ARHGAP39: variants seen among roughly 807,000 people sequenced by gnomAD.
ARHGAP39 encodes Rho GTPase activating protein 39.
In ARHGAP39, 44 loss-of-function variants were observed where a neutral mutation model predicts 106.9. That is an observed-to-expected ratio of 0.41 (90% confidence interval 0.32 to 0.53). The LOEUF (loss-of-function observed/expected upper bound fraction) is 0.53, where lower values mean the gene tolerates loss of function less well. Among genes scored for constraint, ARHGAP39 ranks in the 20% least tolerant of loss-of-function variants. The probability of loss-of-function intolerance (pLI) is 0.21; values close to 1 mark genes in which losing one functional copy is unlikely to be tolerated. For synonymous variants in ARHGAP39, 768 were observed against 693.2 expected (o/e 1.11, Z -1.69); for missense variants, 1,496 against 1,577.3 (o/e 0.95, Z 0.87).
rs1329207972 is a variant in ARHGAP39, at chr8:144,547,430, G to A, written c.1656C>T (p.Pro552=). ...EAEGARGAAE[P]FLAQARLAWE... ...AGGCCAGCCGAGCCTGCGCCAGGAA[G>A]GGCTCGGCCGCGCCCCGCGCCCCTT... Residue 552 remains proline (P), a synonymous_variant, in exon 5 of 12, where the codon CCC becomes CCT. Coordinates refer to ENST00000377307, the MANE Select transcript of ARHGAP39 (RefSeq NM_025251.3). This position sits in a 1 kb window ranked among gnomAD's most constrained non-coding sequence, Gnocchi z 5.2. 1.9e-6 allele frequency: 3 copies of A among 1,585,582 alleles called. No homozygotes were observed. Among genetic ancestry groups the A allele is most frequent in the Non-Finnish European group, 2.6e-6 (3 of 1,172,824 alleles).
intron 3 of ARHGAP39, among the ~76,000 whole-genome samples, chr8:144,579,113 A>T (rs1313833557): frequency 1.4e-5 from 2 of 139,468 alleles, no homozygotes; most frequent in African/African-American, 5.4e-5. Context: ...GAGGCAGGAG[A>T]GTGGTGTGAA....
chr8:144,675,499 G>GGTTAGT, intron 1 of ARHGAP39, among the ~76,000 whole-genome samples: 1 of 152,216 alleles, frequency 6.6e-6, no homozygotes, highest in East Asian at 1.9e-4. Flanking sequence ...AGACCTTCGT[G>GGTTAGT]GTTAGTGTTA....
At chr8:144,531,021 G>C in intron 10 of ARHGAP39, 150 bp from the exon 11 acceptor site, 1 of 1,084,600 alleles carries the variant, frequency 9.2e-7, no homozygotes, top group Non-Finnish European at 1.3e-6. Flanking sequence ...GGCCAGGCTG[G>C]GCCCTGACCC....
intron 4 of ARHGAP39, among the ~76,000 whole-genome samples, chr8:144,549,191 T>C (rs1157309571): frequency 2.0e-5 from 3 of 152,256 alleles, no homozygotes; most frequent in Non-Finnish European, 2.9e-5. Context: ...GGGGCAGATA[T>C]GCAGACGCAA....
Position 144,547,816 on chromosome 8 carries a change from C to T in ARHGAP39, c.1270G>A (p.Gly424Ser). The T allele has an allele frequency of 1.9e-6, 3 of 1,591,728 alleles. No individual in the cohort carries two copies. Among genetic ancestry groups the T allele is most frequent in the Non-Finnish European group, 2.6e-6 (3 of 1,171,872 alleles). ...PRHKYAPNPGGGSYSLQPSPC... is the reference protein window; with the variant it reads ...PRHKYAPNPGSGSYSLQPSPC... Reference sequence around the variant, plus strand: ...CTGGGCTGCAAGGAGTACGAACCACCGCCGGGGTTGGGCGCGTACTTGTGC... The same window carrying T: ...CTGGGCTGCAAGGAGTACGAACCACTGCCGGGGTTGGGCGCGTACTTGTGC... The change falls in exon 5 of 12, where the codon GGT becomes AGT. Residue 424 changes from glycine to serine, a missense_variant. Physicochemically the swap from Gly to Ser is moderately conservative, Grantham distance 56 (BLOSUM62 0). This residue lies in a region of ARHGAP39 where 905 missense variants were observed against 816.4 expected (regional missense o/e 1.11). Coordinates refer to ENST00000377307, the MANE Select transcript of ARHGAP39 (RefSeq NM_025251.3). This position sits in a 1 kb window ranked among gnomAD's most constrained non-coding sequence, Gnocchi z 5.2.
chr8:144,637,830 G>A (rs962420943), intron 1 of ARHGAP39, among the ~76,000 whole-genome samples: 1 of 151,516 alleles, frequency 6.6e-6, no homozygotes, highest in Non-Finnish European at 1.5e-5. Context: ...TGGGACCATA[G>A]GTGTGTGCCA....
chr8:144,572,300 C>A (rs1264663677), intron 3 of ARHGAP39, among the ~76,000 whole-genome samples: 1 of 152,164 alleles, frequency 6.6e-6, no homozygotes, highest in African/African-American at 2.4e-5. Context: ...TGGAACAGAA[C>A]AGAGGCCTCA....
intron 2 of ARHGAP39, among the ~76,000 whole-genome samples, chr8:144,588,344 C>G (rs1819260077): frequency 6.6e-6 from 1 of 152,242 alleles, no homozygotes; most frequent in Admixed American, 6.5e-5. Flanking sequence ...AACGGTGATG[C>G]CAGAGGCTGA....
intron 2 of ARHGAP39, among the ~76,000 whole-genome samples, chr8:144,594,030 A>C (rs1042231646): frequency 4.0e-5 from 6 of 150,756 alleles, no homozygotes; most frequent in Non-Finnish European, 7.4e-5. Flanking sequence ...CAGAGGTTGC[A>C]ATGAGCCGAG....
At chr8:144,653,224 C>T (rs1012052137) in intron 1 of ARHGAP39, among the ~76,000 whole-genome samples, 1 of 152,140 alleles carries the variant, frequency 6.6e-6, no homozygotes, top group Non-Finnish European at 1.5e-5. Flanking sequence ...TCGCTTGAAC[C>T]CGGGAAGTGG....
intron 1 of ARHGAP39, among the ~76,000 whole-genome samples, chr8:144,668,103 A>G (rs2129712996): frequency 6.6e-6 from 1 of 152,138 alleles, no homozygotes; most frequent in South Asian, 2.1e-4. Flanking sequence ...TAGAGGATGG[A>G]ATAGAAGTTA....
chr8:144,696,575 C>T, the ARHGAP39 span, among the ~76,000 whole-genome samples: 3 of 152,210 alleles, frequency 2.0e-5, no homozygotes, highest in South Asian at 2.1e-4. Context: ...CAAAGGATTC[C>T]GCTGATCTAT....
chr8:144,568,138 C>T (rs1818467452), intron 3 of ARHGAP39, among the ~76,000 whole-genome samples: 1 of 151,978 alleles, frequency 6.6e-6, no homozygotes, highest in Non-Finnish European at 1.5e-5. Context: ...TTGAGATCAG[C>T]CTGGCCAACA....
intron 6 of ARHGAP39, among the ~76,000 whole-genome samples, chr8:144,544,479 C>A (rs180672863): frequency 6.6e-6 from 1 of 152,162 alleles, no homozygotes; most frequent in African/African-American, 2.4e-5. Context: ...TGTGTGCGTG[C>A]GTGCATGTGT....
chr8:144,577,704 A>G (rs761714295), intron 3 of ARHGAP39, among the ~76,000 whole-genome samples: 1 of 152,238 alleles, frequency 6.6e-6, no homozygotes, highest in Non-Finnish European at 1.5e-5. Context: ...ATCAACACAC[A>G]ATCAGTTATG....
At chr8:144,698,857 C>A in the ARHGAP39 span, 9 of 455,908 alleles carry the variant, frequency 2.0e-5, no homozygotes, top group South Asian at 9.3e-5. Context: ...GACTCAGAAG[C>A]CTTCTTGCAA....
chr8:144,659,762 C>T (rs963059878), intron 1 of ARHGAP39, among the ~76,000 whole-genome samples: 1 of 152,178 alleles, frequency 6.6e-6, no homozygotes, highest in Non-Finnish European at 1.5e-5. Flanking sequence ...CTAACAATTG[C>T]TTCTCTCATC....
At chr8:144,677,467 G>C (rs936304529) in intron 1 of ARHGAP39, among the ~76,000 whole-genome samples, 1 of 152,246 alleles carries the variant, frequency 6.6e-6, no homozygotes, top group South Asian at 2.1e-4. Flanking sequence ...TGAAGAAAGA[G>C]ATGCTATTTC....
At chr8:144,658,876 G>A (rs1318707860) in intron 1 of ARHGAP39, among the ~76,000 whole-genome samples, 2 of 151,880 alleles carry the variant, frequency 1.3e-5, no homozygotes, top group Non-Finnish European at 2.9e-5. Context: ...TTAATATTGG[G>A]GTAAATATTA....
Sources: allele counts gnomAD v4.1 joint callset (sites outside exome capture counted in the v4.1 genomes callset), GRCh38; gene constraint gnomAD v4.1.1; regional missense constraint gnomAD v4.1.1; non-coding constraint Gnocchi (gnomAD v3.1); transcripts MANE v1.5; gene names NCBI Gene and HGNC (gene_info 2026-07-23, HGNC 2026-07-21).